Variants in CMSS1 observed in about 807,000 individuals in gnomAD.
CMSS1 encodes the protein cms1 ribosomal small subunit homolog.
A neutral mutation model predicts 43.5 loss-of-function variants in CMSS1; 33 were observed. The ratio of observed to expected loss-of-function variants is 0.76; its 90% CI spans 0.57 to 1.01. CMSS1 has a LOEUF of 1.01. Among genes scored for constraint, CMSS1 ranks in the 50% least tolerant of loss-of-function variants. The pLI, the probability that CMSS1 is intolerant of heterozygous loss-of-function variation, is 0.00. For missense variants in CMSS1, 313 were observed against 326.4 expected (o/e 0.96, Z 0.32); for synonymous variants, 115 against 117.2 (o/e 0.98, Z 0.12).
At chr3:100,057,318 A>G (rs1261431265) in intron 1 of CMSS1, among the ~76,000 whole-genome samples, 2 of 152,252 alleles carry the variant, frequency 1.3e-5, no homozygotes, top group Admixed American at 6.5e-5. Flanking sequence ...GAAAGATGAC[A>G]TGATCTCTAG....
chr3:99,831,422 A>G (rs1418476928), intron 1 of CMSS1, among the ~76,000 whole-genome samples: 2 of 152,236 alleles, frequency 1.3e-5, no homozygotes, highest in African/African-American at 2.4e-5. Context: ...TGTTCTCCAC[A>G]TATTTTATAG....
chr3:99,894,538 T>C (rs534351889), intron 1 of CMSS1, among the ~76,000 whole-genome samples: 84 of 152,354 alleles, frequency 5.5e-4, no homozygotes, highest in African/African-American at 1.9e-3. Context: ...TGTAGGATAA[T>C]GCTGAATTTA....
rs1709327819 is a variant in CMSS1 at position 99,985,936 on chromosome 3, TG to T, written c.65-161032del. Among the ~76,000 whole-genome samples, 3 of 152,168 alleles carry T rather than the reference TG, an allele frequency of 2.0e-5. No homozygotes were observed. In the South Asian group the frequency reaches 6.2e-4, roughly 32 times the overall value. On this transcript the variant is annotated intron_variant, in intron 1 of 9. Transcript: ENST00000421999. ...TGTTGGATATATTCATAAAACACAT[TG>T]GGGGTTAAAGTCAGTATGACCACAG...
At chr3:99,831,957 A>G (rs1281417867) in intron 1 of CMSS1, among the ~76,000 whole-genome samples, 1 of 152,144 alleles carries the variant, frequency 6.6e-6, no homozygotes, top group East Asian at 1.9e-4. Context: ...TGAAAGGCCG[A>G]GACAGATTGG....
chr3:99,984,826 T>C (rs1366179531), intron 1 of CMSS1, among the ~76,000 whole-genome samples: 7 of 152,214 alleles, frequency 4.6e-5, no homozygotes, highest in Admixed American at 4.6e-4. Flanking sequence ...TAATGTTTAT[T>C]GAGTACATTC....
At chr3:100,161,660 A>T (rs2067024524) in intron 3 of CMSS1, among the ~76,000 whole-genome samples, 1 of 151,138 alleles carries the variant, frequency 6.6e-6, no homozygotes. Context: ...TAAATGAATG[A>T]TTGTGGGTTT....
intron 1 of CMSS1, among the ~76,000 whole-genome samples, chr3:99,938,747 T>C (rs1707768690): frequency 6.6e-6 from 1 of 152,164 alleles, no homozygotes; most frequent in African/African-American, 2.4e-5. Context: ...TAGATGTTAA[T>C]AGCGCTCAGT....
intron 1 of CMSS1, among the ~76,000 whole-genome samples, chr3:99,825,702 TC>T (rs1353506855): frequency 1.3e-5 from 2 of 152,054 alleles, no homozygotes; most frequent in Non-Finnish European, 2.9e-5. Flanking sequence ...ATACATAACT[TC>T]CATTTCCTCC....
intron 1 of CMSS1, among the ~76,000 whole-genome samples, chr3:99,829,774 G>C (rs1002164212): frequency 6.6e-6 from 1 of 152,166 alleles, no homozygotes; most frequent in Non-Finnish European, 1.5e-5. Context: ...ATGTTACTGA[G>C]ACTAAGTGCC....
At chr3:99,845,440 T>G (rs1326192949) in intron 1 of CMSS1, among the ~76,000 whole-genome samples, 2 of 152,122 alleles carry the variant, frequency 1.3e-5, no homozygotes, top group African/African-American at 4.8e-5. Flanking sequence ...GAAAAAACAG[T>G]CTATCTTCTG....
intron 1 of CMSS1, chr3:100,025,585 G>A (rs1174344937): frequency 1.3e-5 from 2 of 152,100 alleles, no homozygotes; most frequent in African/African-American, 4.8e-5. Context: ...GTTATATTGA[G>A]CAGTGCATTT....
At chr3:99,837,280 G>A (rs1254573057) in intron 1 of CMSS1, among the ~76,000 whole-genome samples, 1 of 152,062 alleles carries the variant, frequency 6.6e-6, no homozygotes, top group South Asian at 2.1e-4. Context: ...AACTTTTGAG[G>A]ACCTCTTGCA....
intron 4 of CMSS1, 60 bp downstream of exon 4, chr3:100,162,492 T>C: frequency 6.4e-7 from 1 of 1,555,722 alleles, no homozygotes; most frequent in Non-Finnish European, 8.8e-7. Context: ...TCTGTTATGG[T>C]TAGGTGTCTC....
intron 6 of CMSS1, among the ~76,000 whole-genome samples, chr3:100,168,899 A>G (rs2067087362): frequency 1.3e-5 from 2 of 151,494 alleles, no homozygotes; most frequent in Admixed American, 1.3e-4. Context: ...ACACATATAT[A>G]TATACACATA....
intron 1 of CMSS1, among the ~76,000 whole-genome samples, chr3:100,080,111 A>G (rs2065907908): frequency 6.6e-6 from 1 of 152,100 alleles, no homozygotes; most frequent in South Asian, 2.1e-4. Flanking sequence ...TGCTGAAATA[A>G]GCTATTTTTC....
intron 1 of CMSS1, among the ~76,000 whole-genome samples, chr3:100,105,199 C>T (rs1043675454): frequency 1.3e-5 from 2 of 152,130 alleles, no homozygotes; most frequent in African/African-American, 4.8e-5. Flanking sequence ...GTTGACAAGG[C>T]TGATTTAGTA....
chr3:100,113,384 C>T (rs2066522526), intron 1 of CMSS1, among the ~76,000 whole-genome samples: 1 of 152,214 alleles, frequency 6.6e-6, no homozygotes, highest in Non-Finnish European at 1.5e-5. Flanking sequence ...GATATCCAGT[C>T]ATCTTCTGTG....
chr3:99,842,504 CAAA>C (rs10935983), intron 1 of CMSS1, among the ~76,000 whole-genome samples: 17 of 131,492 alleles, frequency 1.3e-4, no homozygotes, highest in East Asian at 2.2e-4. Context: ...TAAAACAGGC[CAAA>C]AAAAAAAAAA....
rs571311176 is a variant in CMSS1 at position 99,920,744 on chromosome 3, A to G, written c.64+102701A>G. 7.9e-5 allele frequency among the ~76,000 whole-genome samples: 12 copies of G among 152,334 alleles called. No homozygotes were observed. In the South Asian group the frequency reaches 2.1e-3, roughly 26 times the overall value. On this transcript the variant is annotated intron_variant, in intron 1 of 9. Coordinates refer to ENST00000421999, the MANE Select transcript of CMSS1 (RefSeq NM_032359.4). ...TGGCAAACATTTTGGCCTGAGCTCAATGTGTGACATCAGTCTCCTTTAGGG... is the reference window on the plus strand; with the variant it reads ...TGGCAAACATTTTGGCCTGAGCTCAGTGTGTGACATCAGTCTCCTTTAGGG...
Sources: gnomAD v4.1 joint callset for allele counts (sites outside exome capture counted in the v4.1 genomes callset) on GRCh38, gnomAD v4.1.1 for gene constraint, MANE v1.5 for transcripts, NCBI Gene and HGNC (gene_info 2026-07-23, HGNC 2026-07-21) for gene names.